ODAD3: variants seen among roughly 807,000 people sequenced by gnomAD.
The protein encoded by ODAD3 is outer dynein arm-docking complex subunit 3.
A neutral mutation model predicts 70.9 loss-of-function variants in ODAD3; 57 were observed. That is an observed-to-expected ratio of 0.80 (90% CI 0.65 to 1.00). The LOEUF is 1.00. ODAD3 is among the 50% of genes least tolerant of loss of function. ODAD3 has a pLI of 0.00. For missense variants in ODAD3, 797 were observed against 763.9 expected, an observed-to-expected ratio of 1.04 and a Z score of -0.51; for synonymous variants, 327 against 315.9, an observed-to-expected ratio of 1.04 and a Z score of -0.37.
chr19:11,426,662 C>T (rs771593853), intron 5 of ODAD3, 21 bp downstream of exon 5: 2 of 1,613,590 alleles, frequency 1.2e-6, no homozygotes, highest in East Asian at 2.2e-5. Context: ...GTCATCTCAC[C>T]CGAGCCCTCC....
In ODAD3 at chr19:11,422,687, C is replaced by A. The variant is rs763520573; in HGVS notation, c.1277+14G>T. The A allele has an allele frequency of 1.9e-6, 3 of 1,610,824 alleles. No homozygotes were observed. The highest frequency in any genetic ancestry group is 2.5e-6 in the Non-Finnish European group (3 of 1,179,020). On this transcript the variant is annotated intron_variant, in intron 9 of 12. Coordinates refer to ENST00000356392, the MANE Select transcript of ODAD3 (RefSeq NM_145045.5). This position sits in a 1 kb window ranked among gnomAD's most constrained non-coding sequence, Gnocchi z 4.6. ...GCCCGCCCCGCCGCCCTCCCCAGAG[C>A]CCCGGTGCCTCACCTCACCAGCGTG...
intron 3 of ODAD3, 164 bp downstream of exon 3, chr19:11,430,535 C>T: frequency 1.4e-6 from 1 of 692,462 alleles, no homozygotes; most frequent in Non-Finnish European, 2.6e-6. Flanking sequence ...TACTACCATG[C>T]CAGGATGCCA....
At position 11,424,043 on chromosome 19, in the gene ODAD3, G is replaced by A; in HGVS notation, c.964-14C>T. On this transcript the variant is annotated splice_polypyrimidine_tract_variant and intron_variant, in intron 7 of 12. Transcript: ENST00000356392. ...CTCGCGGTGGGTCTGCTCGTGGGTTGAGGTCAGAGCCAGGGTCAGCTGGTG... is the reference window on the plus strand; with the variant it reads ...CTCGCGGTGGGTCTGCTCGTGGGTTAAGGTCAGAGCCAGGGTCAGCTGGTG... 6.2e-7 allele frequency: 1 copy of A among 1,603,570 alleles called. No homozygotes were observed. The highest frequency in any genetic ancestry group is 1.1e-5 in the South Asian group (1 of 91,004).
At chr19:11,421,633 C>T in intron 11 of ODAD3, 44 bp downstream of exon 11, 2 of 1,578,106 alleles carry the variant, frequency 1.3e-6, no homozygotes, top group Non-Finnish European at 1.7e-6. Flanking sequence ...CGACCCAGCC[C>T]TACTCCTAGA....
chr19:11,435,182 CG>C, upstream of ODAD3: 2 of 1,428,978 alleles, frequency 1.4e-6, no homozygotes, highest in Non-Finnish European at 1.8e-6. Context: ...ACCGCCTCCC[CG>C]TCTCTCTCCA....
Position 11,423,957 on chromosome 19 carries a change from G to T in ODAD3, c.1036C>A (p.Leu346Met). The change falls in exon 8 of 13, where the codon CTG becomes ATG. Residue 346 changes from leucine to methionine, a missense_variant. Leu to Met is a conservative substitution (Grantham distance 15, BLOSUM62 2). Coordinates refer to ENST00000356392, the MANE Select transcript of ODAD3 (RefSeq NM_145045.5). The part of the protein sequence containing the change: ...QDSLHAKEEE[L>M]RQRWSMYQME... ...TGGTACATGCTCCAGCGCTGCCGCAGCTCCTCCTCCTTGGCATGCAGGCTG... is the reference window on the plus strand; with the variant it reads ...TGGTACATGCTCCAGCGCTGCCGCATCTCCTCCTCCTTGGCATGCAGGCTG... 1 of 1,613,348 alleles carries T rather than the reference G, an allele frequency of 6.2e-7. No homozygotes were observed.
At chr19:11,423,619 G>A (rs1422269229) in intron 8 of ODAD3, among the ~76,000 whole-genome samples, 1 of 151,730 alleles carries the variant, frequency 6.6e-6, no homozygotes, top group Admixed American at 6.5e-5. Context: ...TGGTGCAAGA[G>A]AGAACGGAAG....
At chr19:11,425,038 CATATGTGTATATATGTGT>C (rs1171595654) in intron 7 of ODAD3, among the ~76,000 whole-genome samples, 4 of 85,850 alleles carry the variant, frequency 4.7e-5, no homozygotes, top group Non-Finnish European at 6.5e-5. Flanking sequence ...TGCATATATA[CATATGTGTATATATGTGT>C]ATATGTGTAT....
At chr19:11,434,654 AGTTTTTGCCCAGAAACGGTTTAC>A in intron 1 of ODAD3, 96 bp downstream of exon 1, 1 of 1,276,032 alleles carries the variant, frequency 7.8e-7, no homozygotes, top group South Asian at 1.5e-5. Flanking sequence ...ACTAAGTATG[AGTTTTTGCCCAGAAACGGTTTAC>A]CTAGACTCAT....
chr19:11,424,987 G>A (rs192850416), intron 7 of ODAD3, among the ~76,000 whole-genome samples: 13,039 of 121,658 alleles, frequency 0.11, 1,560 homozygotes, highest in Non-Finnish European at 0.15. Flanking sequence ...ATGTGTATAT[G>A]TACATATGTG....
rs1599451158 is a variant in ODAD3 at position 11,421,203 on chromosome 19, T to G, written c.1600A>C (p.Ser534Arg). The G allele has an allele frequency of 1.9e-6, 3 of 1,612,904 alleles. No individual in the cohort carries two copies. The South Asian group carries it at 3.3e-5, about 18-fold the overall frequency. ...CHIANREFLASLEGRLPEYNT... is the reference protein window; with the variant it reads ...CHIANREFLARLEGRLPEYNT... ...TATTCGGGCAGCCTTCCCTCTAAGC[T>G]GGCGAGGAACTAAGCGGGGATGGGA... Residue 534 changes from serine to arginine, a missense_variant, in exon 12 of 13, where the codon AGC becomes CGC. Coordinates refer to ENST00000356392, the MANE Select transcript of ODAD3 (RefSeq NM_145045.5).
At chr19:11,425,348 T>TGTAC (rs1969309238) in intron 7 of ODAD3, among the ~76,000 whole-genome samples, 1 of 128,882 alleles carries the variant, frequency 7.8e-6, no homozygotes, top group Non-Finnish European at 1.6e-5. Context: ...TATATGTATA[T>TGTAC]ATGTGTATAT....
At chr19:11,433,362 G>C (rs1010289360) in intron 1 of ODAD3, among the ~76,000 whole-genome samples, 3 of 152,176 alleles carry the variant, frequency 2.0e-5, no homozygotes, top group Non-Finnish European at 2.9e-5. Context: ...TGGCCATGCT[G>C]GTCTCAATGT....
intron 1 of ODAD3, among the ~76,000 whole-genome samples, chr19:11,433,307 C>T (rs1284199240): frequency 1.3e-5 from 2 of 152,046 alleles, no homozygotes; most frequent in Non-Finnish European, 2.9e-5. Context: ...CCACCATGCC[C>T]GGCTAATTTT....
rs753021134 is a variant in ODAD3, at chr19:11,426,983, G to A, written c.502C>T (p.Arg168Trp). Residue 168 changes from arginine (R) to tryptophan (W), a missense_variant, in exon 4 of 13, where the codon CGG (arginine) becomes TGG (tryptophan). Transcript: ENST00000356392. ...CTCTGCCGCAACACCACCTGGTGCC[G>A]CAGGGCGTTCTGCTGCTTCACCTTC... is the stretch of plus-strand genomic sequence containing the variant. ...REKVKQQNAL[R>W]HQVVLRQRRL... is the part of the protein sequence containing the mutation. 1.0e-5 allele frequency: 16 copies of A among 1,605,934 alleles called. No individual in the cohort carries two copies. Among genetic ancestry groups the A allele is most frequent in the African/African-American group, 1.3e-5 (1 of 75,034 alleles).
chr19:11,426,816 T>G (rs1969387421), intron 4 of ODAD3, 32 bp from the exon 5 acceptor site: 1 of 1,613,216 alleles, frequency 6.2e-7, no homozygotes, highest in African/African-American at 1.3e-5. Context: ...CTGAGGGCCC[T>G]CCGCACTCAA....
At chr19:11,421,099 C>T in intron 12 of ODAD3, 29 bp downstream of exon 12, 1 of 1,610,872 alleles carries the variant, frequency 6.2e-7, no homozygotes, top group South Asian at 1.1e-5. Context: ...GCCCCAACCG[C>T]ACCCCTTCAT....
chr19:11,425,189 A>ATG (rs1252745102), intron 7 of ODAD3, among the ~76,000 whole-genome samples: 1 of 110,934 alleles, frequency 9.0e-6, no homozygotes, highest in Non-Finnish European at 1.7e-5. Context: ...ATGTGTATAT[A>ATG]TACATATGTG....
At position 11,434,852 on chromosome 19, in the gene ODAD3, T is replaced by C; in HGVS notation, c.165A>G (p.Gly55=). ...AQAWTPGRSK[G]GSFHRGAGKP... is the part of the protein sequence containing the mutation. ...TCCCTGCACCTCTGTGGAAGGATCC[T>C]CCCTTGGAACGGCCTGGGGTCCACG... is the stretch of plus-strand genomic sequence containing the variant. The change falls in exon 1 of 13, where the codon GGA becomes GGG. Residue 55 remains glycine (G), a synonymous_variant. Coordinates refer to ENST00000356392, the MANE Select transcript of ODAD3 (RefSeq NM_145045.5). The C allele has an allele frequency of 1.2e-6, 2 of 1,614,154 alleles. No homozygotes were observed. The highest frequency in any genetic ancestry group is 8.5e-7 in the Non-Finnish European group (1 of 1,180,010).
Sources: allele counts gnomAD v4.1 joint callset (sites outside exome capture counted in the v4.1 genomes callset), GRCh38; gene constraint gnomAD v4.1.1; non-coding constraint Gnocchi (gnomAD v3.1); transcripts MANE v1.5; gene names NCBI Gene and HGNC (gene_info 2026-07-23, HGNC 2026-07-21).